Variants in ANO4 observed in about 807,000 individuals in gnomAD.
ANO4 encodes the protein anoctamin-4.
Under a neutral mutation model 141.9 loss-of-function variants are expected in ANO4, and 69 were observed. The ratio of observed to expected loss-of-function variants is 0.49; its 90% CI spans 0.40 to 0.59. The LOEUF (loss-of-function observed/expected upper bound fraction) is 0.59, where lower values mean the gene tolerates loss of function less well. Ranked by LOEUF, ANO4 falls within the 20% of genes least tolerant of loss-of-function variation. The probability of loss-of-function intolerance (pLI) is 0.00; values close to 1 mark genes in which losing one functional copy is unlikely to be tolerated. For synonymous variants in ANO4, 350 were observed against 394.3 expected (o/e 0.89, Z 1.33); for missense variants, 894 against 1,162.2 (o/e 0.77, Z 3.36).
intron 8 of ANO4, among the ~76,000 whole-genome samples, chr12:101,011,982 TA>T (rs112814019): frequency 1.1e-4 from 16 of 149,076 alleles, no homozygotes; most frequent in Admixed American, 5.3e-4. Flanking sequence ...ATAATATATG[TA>T]AAAAAAAAAT....
intron 6 of ANO4, among the ~76,000 whole-genome samples, chr12:100,974,536 G>A (rs1041806399): frequency 6.6e-6 from 1 of 152,006 alleles, no homozygotes; most frequent in Non-Finnish European, 1.5e-5. Context: ...AGCTGAAGCT[G>A]TGCAAATACC....
intron 13 of ANO4, 99 bp from the exon 14 acceptor site, chr12:101,048,234 GTAAAACTC>G (rs923783271): frequency 7.6e-7 from 1 of 1,323,824 alleles, no homozygotes; most frequent in Non-Finnish European, 1.1e-6. Flanking sequence ...AACAAAGCCT[GTAAAACTC>G]ATTATATAAT....
At chr12:100,811,026 A>G (rs1216842534) in intron 1 of ANO4, among the ~76,000 whole-genome samples, 3 of 152,182 alleles carry the variant, frequency 2.0e-5, no homozygotes, top group Admixed American at 2.0e-4. Context: ...TATAGAAGCC[A>G]CATCTAAATT....
intron 14 of ANO4, among the ~76,000 whole-genome samples, chr12:101,056,179 A>G (rs541053688): frequency 1.3e-5 from 2 of 152,302 alleles, no homozygotes; most frequent in East Asian, 3.9e-4. Context: ...AAAAGTGTTG[A>G]TATTTTGATT....
At chr12:101,090,052 C>T (rs2049691522) in intron 17 of ANO4, among the ~76,000 whole-genome samples, 1 of 152,306 alleles carries the variant, frequency 6.6e-6, no homozygotes, top group Admixed American at 6.5e-5. Flanking sequence ...AATGAGATAC[C>T]ATCTCACACC....
chr12:100,880,141 T>C (rs1362021142), intron 1 of ANO4, among the ~76,000 whole-genome samples: 1 of 151,870 alleles, frequency 6.6e-6, no homozygotes, highest in Non-Finnish European at 1.5e-5. Context: ...GGGAAGGAGG[T>C]ATGGACAGAA....
rs10652346 is a variant in ANO4, at chr12:100,770,781, ATTT to A, written c.358+30694_358+30696del. 7.8e-3 allele frequency among the ~76,000 whole-genome samples: 1,028 copies of A among 131,330 alleles called. 11 individuals carry two copies. The highest frequency in any genetic ancestry group is 0.026 in the African/African-American group (938 of 35,770). 86.2% of individuals were successfully genotyped at this position (131,330 alleles called of 152,430 possible). A position where few individuals can be genotyped will look rare whatever the true frequency, so the allele number is the denominator to read the frequency against. On this transcript the variant is annotated intron_variant, in intron 3 of 29. Transcript: ENST00000644049. ...CAGAGTGGAAGAGGCCTTGGCTTGA[ATTT>A]TTTTTTTTTTTTTTTTTGCATTACT...
At chr12:100,754,682 A>G (rs981528662) in intron 3 of ANO4, among the ~76,000 whole-genome samples, 3 of 152,230 alleles carry the variant, frequency 2.0e-5, no homozygotes, top group Admixed American at 6.5e-5. Context: ...TCCATGGATG[A>G]ATGGATAAAC....
chr12:100,984,512 C>T (rs993700763), intron 7 of ANO4, among the ~76,000 whole-genome samples: 7 of 152,224 alleles, frequency 4.6e-5, no homozygotes, highest in African/African-American at 1.7e-4. Context: ...TGTCTGGCAG[C>T]TTCTCCAAAG....
chr12:100,987,785 C>A (rs748854648), intron 8 of ANO4, 115 bp downstream of exon 8: 21 of 1,404,926 alleles, frequency 1.5e-5, no homozygotes, highest in African/African-American at 2.9e-5. Flanking sequence ...GTGCCCTTCT[C>A]CCCTAAAAGT....
chr12:101,021,512 T>C (rs988926661), intron 9 of ANO4, among the ~76,000 whole-genome samples: 2 of 152,132 alleles, frequency 1.3e-5, no homozygotes, highest in African/African-American at 4.8e-5. Flanking sequence ...AAGCAGGCAA[T>C]GAAGGTGCAT....
At chr12:100,785,196 C>G (rs921839037) in intron 3 of ANO4, among the ~76,000 whole-genome samples, 1 of 152,168 alleles carries the variant, frequency 6.6e-6, no homozygotes, top group African/African-American at 2.4e-5. Flanking sequence ...CCAACATCCC[C>G]CACAAGGTTA....
At chr12:100,926,882 G>T (rs1042219930) in intron 3 of ANO4, among the ~76,000 whole-genome samples, 3 of 152,058 alleles carry the variant, frequency 2.0e-5, no homozygotes, top group African/African-American at 7.2e-5. Flanking sequence ...GGAGGGAATG[G>T]CTATGTTGCA....
At chr12:100,732,646 T>C (rs1045651635) in intron 1 of ANO4, among the ~76,000 whole-genome samples, 11 of 152,346 alleles carry the variant, frequency 7.2e-5, no homozygotes, top group Middle Eastern at 3.4e-3. Context: ...CTAGATGTTT[T>C]TCCTATGTTA....
In ANO4 at chr12:101,110,572, G is replaced by A; in HGVS notation, c.2302+16G>A. 6.5e-7 allele frequency: 1 copy of A among 1,528,184 alleles called. No individual in the cohort carries two copies. Among genetic ancestry groups the A allele is most frequent in the African/African-American group, 1.4e-5 (1 of 71,594 alleles). 94.7% of individuals were successfully genotyped at this position (1,528,184 alleles called of 1,614,324 possible). ...AAAGACATAGGTAAGTTGGATTTGG[G>A]TATGTTTTTAAAAAACATATTAAAC... On this transcript the variant is annotated intron_variant, in intron 23 of 27. Transcript: ENST00000392977.
intron 3 of ANO4, among the ~76,000 whole-genome samples, chr12:100,755,469 T>A (rs1373003876): frequency 2.4e-4 from 36 of 152,186 alleles, no homozygotes; most frequent in Non-Finnish European, 2.9e-5. Flanking sequence ...AGGGAGAATG[T>A]CTGATTTGAA....
chr12:100,884,353 C>T (rs1259947529), intron 1 of ANO4, among the ~76,000 whole-genome samples: 1 of 152,170 alleles, frequency 6.6e-6, no homozygotes, highest in Non-Finnish European at 1.5e-5. Flanking sequence ...TCAGACAGGG[C>T]AGCTTCACAG....
At chr12:101,105,355 T>C (rs1372805145) in intron 22 of ANO4, among the ~76,000 whole-genome samples, 1 of 152,220 alleles carries the variant, frequency 6.6e-6, no homozygotes, top group African/African-American at 2.4e-5. Context: ...AAGAACTAGA[T>C]AGTAAATAAT....
chr12:100,786,747 G>A (rs2033886291), intron 3 of ANO4, among the ~76,000 whole-genome samples: 1 of 152,146 alleles, frequency 6.6e-6, no homozygotes, highest in South Asian at 2.1e-4. Flanking sequence ...AATCTTTGTG[G>A]GATAAATTAA....
Sources: allele counts gnomAD v4.1 joint callset (sites outside exome capture counted in the v4.1 genomes callset), GRCh38; gene constraint gnomAD v4.1.1; transcripts MANE v1.5; gene names NCBI Gene and HGNC (gene_info 2026-07-23, HGNC 2026-07-21).